Variants in DPYD observed in about 807,000 individuals in gnomAD.
DPYD encodes the protein dihydropyrimidine dehydrogenase, also known as dihydropyrimidine dehydrogenase [NADP(+)].
DPYD carries 109 observed loss-of-function variants against 116.2 expected under a neutral mutation model. The ratio of observed to expected loss-of-function variants is 0.94; its 90% CI spans 0.80 to 1.10. DPYD has a LOEUF of 1.10. DPYD is among the 50% of genes least tolerant of loss of function. DPYD has a pLI of 0.00. For missense variants in DPYD, 1,302 were observed against 1,254.5 expected, an observed-to-expected ratio of 1.04 and a Z score of -0.57; for synonymous variants, 440 against 432.0, an observed-to-expected ratio of 1.02 and a Z score of -0.23.
At chr1:97,574,149 GGGA>G (rs1653104448) in intron 10 of DPYD, among the ~76,000 whole-genome samples, 179 bp from the exon 11 acceptor site, 1 of 152,120 alleles carries the variant, frequency 6.6e-6, no homozygotes, top group Non-Finnish European at 1.5e-5. Context: ...CACTGACTCA[GGGA>G]GTCTTGAATT....
intron 2 of DPYD, among the ~76,000 whole-genome samples, chr1:97,840,316 A>G (rs1427288744): frequency 1.3e-5 from 2 of 152,094 alleles, no homozygotes; most frequent in Non-Finnish European, 2.9e-5. Context: ...CAGTGCTGTA[A>G]TATTTTGGTT....
Position 97,691,725 on chromosome 1 carries a change from C to A in DPYD, c.754G>T (p.Gly252Cys), listed in dbSNP as rs765034707. Residue 252 changes from glycine (G) to cysteine (C), a missense_variant, in exon 7 of 23, where the codon GGT (glycine) becomes TGT (cysteine). Physicochemically the swap from Gly to Cys is radical, Grantham distance 159. Coordinates refer to ENST00000370192, the MANE Select transcript of DPYD (RefSeq NM_000110.4). ...NFEIELMKDLGVKIICGKSLS... is the reference protein window; with the variant it reads ...NFEIELMKDLCVKIICGKSLS... ...GTGTTTTTTTCATTTACCTTTACACCAAGGTCCTTCATTAGCTCAATCTCA... is the reference window on the plus strand; with the variant it reads ...GTGTTTTTTTCATTTACCTTTACACAAAGGTCCTTCATTAGCTCAATCTCA... 4 of 1,613,300 alleles carry A rather than the reference C, an allele frequency of 2.5e-6. No homozygotes were observed. Among genetic ancestry groups the A allele is most frequent in the Non-Finnish European group, 3.4e-6 (4 of 1,179,596 alleles).
At chr1:97,676,312 G>C (rs1660143193) in intron 8 of DPYD, among the ~76,000 whole-genome samples, 1 of 152,118 alleles carries the variant, frequency 6.6e-6, no homozygotes, top group Admixed American at 6.6e-5. Context: ...ATGCTTATAT[G>C]ATCAGGTAAC....
intron 16 of DPYD, among the ~76,000 whole-genome samples, chr1:97,313,241 C>G (rs1168797270): frequency 6.6e-6 from 1 of 151,858 alleles, no homozygotes; most frequent in Non-Finnish European, 1.5e-5. Flanking sequence ...CAAATTGACA[C>G]TGACTTTCTT....
intron 8 of DPYD, among the ~76,000 whole-genome samples, chr1:97,661,370 G>A (rs1050113778): frequency 1.2e-4 from 18 of 151,840 alleles, no homozygotes; most frequent in African/African-American, 3.6e-4. Flanking sequence ...TCAATTATTC[G>A]GCATTATGGA....
intron 1 of DPYD, among the ~76,000 whole-genome samples, chr1:97,885,476 T>C (rs192675145): frequency 6.4e-4 from 98 of 152,194 alleles, no homozygotes; most frequent in African/African-American, 2.3e-3. Flanking sequence ...AAATCATAAA[T>C]GACTTTCTAA....
At chr1:97,529,905 C>CTTCTT (rs916534785) in intron 12 of DPYD, among the ~76,000 whole-genome samples, 12 of 145,888 alleles carry the variant, frequency 8.2e-5, no homozygotes, top group African/African-American at 2.8e-4. Context: ...TCCTCCCTTC[C>CTTCTT]TTCTTTTCTT....
chr1:97,873,448 T>C (rs1389402791), intron 2 of DPYD, among the ~76,000 whole-genome samples: 1 of 151,930 alleles, frequency 6.6e-6, no homozygotes, highest in African/African-American at 2.4e-5. Context: ...ATACTTCATA[T>C]ATATATATAA....
At chr1:97,666,371 C>A (rs1325307702) in intron 8 of DPYD, among the ~76,000 whole-genome samples, 1 of 152,014 alleles carries the variant, frequency 6.6e-6, no homozygotes, top group East Asian at 1.9e-4. Flanking sequence ...GTTGCCCAGG[C>A]TGGTCTGGAA....
At chr1:97,227,696 A>G (rs1298300445) in intron 19 of DPYD, among the ~76,000 whole-genome samples, 1 of 152,104 alleles carries the variant, frequency 6.6e-6, no homozygotes, top group African/African-American at 2.4e-5. Context: ...CATATAATGG[A>G]TTTTATAAAT....
At chr1:97,519,436 T>A (rs1648478343) in intron 12 of DPYD, among the ~76,000 whole-genome samples, 1 of 152,086 alleles carries the variant, frequency 6.6e-6, no homozygotes, top group Non-Finnish European at 1.5e-5. Context: ...AACGGGTCCC[T>A]CCCACAACAC....
At chr1:97,194,039 A>G (rs539578390) in intron 19 of DPYD, among the ~76,000 whole-genome samples, 1 of 152,324 alleles carries the variant, frequency 6.6e-6, no homozygotes, top group East Asian at 1.9e-4. Flanking sequence ...CAATTAGACC[A>G]AAGTTTCAGA....
At position 97,477,604 on chromosome 1, in the gene DPYD, CT is replaced by C. The variant is rs56199931; in HGVS notation, c.1741-27382del. ...CTGACCTCCTTCCATGACTGTTCTT[CT>C]TTTTTTTTTTTTTTTTTTTTTTTTT... On this transcript the variant is annotated intron_variant, in intron 13 of 22. Transcript: ENST00000370192. Among the ~76,000 whole-genome samples, 307 of 113,590 alleles carry C rather than the reference CT, an allele frequency of 2.7e-3. 1 individual carries two copies. The highest frequency in any genetic ancestry group is 9.7e-3 in the Middle Eastern group (2 of 206). The allele number at this position is 113,590 out of a possible 152,430, so 74.5% of individuals were successfully genotyped here. A position where few individuals can be genotyped will look rare whatever the true frequency, so the allele number is the denominator to read the frequency against.
At chr1:97,844,227 C>T (rs1670178134) in intron 2 of DPYD, among the ~76,000 whole-genome samples, 2 of 152,212 alleles carry the variant, frequency 1.3e-5, no homozygotes, top group South Asian at 2.1e-4. Flanking sequence ...ATAAAAAATA[C>T]ATATTTTGGT....
At chr1:97,790,968 G>T (rs755522025) in intron 3 of DPYD, among the ~76,000 whole-genome samples, 15 of 152,078 alleles carry the variant, frequency 9.9e-5, no homozygotes, top group Non-Finnish European at 1.9e-4. Flanking sequence ...AAGTTATTCT[G>T]TTGAGCTTAT....
At chr1:97,811,713 G>A (rs1334768091) in intron 3 of DPYD, among the ~76,000 whole-genome samples, 1 of 151,954 alleles carries the variant, frequency 6.6e-6, no homozygotes, top group African/African-American at 2.4e-5. Context: ...ACATAATCAT[G>A]TTGCAAACAT....
chr1:97,290,004 A>G (rs1448920556), intron 18 of DPYD, among the ~76,000 whole-genome samples: 1 of 152,212 alleles, frequency 6.6e-6, no homozygotes, highest in Admixed American at 6.5e-5. Context: ...AGGATACAAA[A>G]TCAATGTACA....
intron 2 of DPYD, among the ~76,000 whole-genome samples, chr1:97,867,229 T>A (rs1240551447): frequency 6.6e-6 from 1 of 151,778 alleles, no homozygotes; most frequent in Non-Finnish European, 1.5e-5. Flanking sequence ...GATATTGGTA[T>A]TAAGAGCTCA....
intron 20 of DPYD, among the ~76,000 whole-genome samples, chr1:97,100,427 C>G (rs899665554): frequency 2.0e-5 from 3 of 152,052 alleles, no homozygotes; most frequent in Admixed American, 2.0e-4. Flanking sequence ...AGGGGCATCT[C>G]AATCCTAATC....
Sources: gnomAD v4.1 joint callset for allele counts (sites outside exome capture counted in the v4.1 genomes callset) on GRCh38, gnomAD v4.1.1 for gene constraint, MANE v1.5 for transcripts, NCBI Gene and HGNC (gene_info 2026-07-23, HGNC 2026-07-21) for gene names.